ZNF827: variants seen among roughly 807,000 people sequenced by gnomAD.
The protein encoded by ZNF827 is zinc finger protein 827.
ZNF827 carries 13 observed loss-of-function variants against 102.4 expected under a neutral mutation model. The observed-to-expected ratio is 0.13, with a 90% CI of 0.08 to 0.20. The LOEUF (loss-of-function observed/expected upper bound fraction) is 0.20. ZNF827 is among the 10% of genes least tolerant of loss of function. The pLI, the probability that ZNF827 is intolerant of heterozygous loss-of-function variation, is 1.00. For synonymous variants in ZNF827, 523 were observed against 536.2 expected, an observed-to-expected ratio of 0.98 and a Z score of 0.34; for missense variants, 1,103 against 1,344.4, an observed-to-expected ratio of 0.82 and a Z score of 2.81.
At chr4:145,909,436 C>T (rs1251475070) in intron 1 of ZNF827, among the ~76,000 whole-genome samples, 1 of 152,224 alleles carries the variant, frequency 6.6e-6, no homozygotes, top group Non-Finnish European at 1.5e-5. Context: ...TAGTCTCTTC[C>T]TCTCAGGCCA....
chr4:145,766,791 C>A (rs1735370626), intron 11 of ZNF827, among the ~76,000 whole-genome samples: 1 of 152,120 alleles, frequency 6.6e-6, no homozygotes, highest in African/African-American at 2.4e-5. Flanking sequence ...CTGTTTCCAC[C>A]AGTCAGATTG....
At chr4:145,895,944 C>A (rs555142923) in intron 2 of ZNF827, among the ~76,000 whole-genome samples, 1 of 152,062 alleles carries the variant, frequency 6.6e-6, no homozygotes, top group African/African-American at 2.4e-5. Context: ...TAACTTTTCC[C>A]AAGTATATCA....
intron 4 of ZNF827, among the ~76,000 whole-genome samples, chr4:145,882,023 C>T (rs145514292): frequency 1.5e-4 from 23 of 152,338 alleles, no homozygotes; most frequent in Non-Finnish European, 2.5e-4. Context: ...TTTCTGGGCC[C>T]TGGCATTTTG....
intron 5 of ZNF827, among the ~76,000 whole-genome samples, chr4:145,862,880 A>G (rs1747865385): frequency 1.3e-5 from 2 of 152,214 alleles, no homozygotes; most frequent in African/African-American, 4.8e-5. Context: ...GCAACAAAAG[A>G]AAAACAGAGA....
chr4:145,895,667 AT>A (rs1750921839), intron 2 of ZNF827, among the ~76,000 whole-genome samples: 1 of 152,132 alleles, frequency 6.6e-6, no homozygotes, highest in Non-Finnish European at 1.5e-5. Flanking sequence ...TAACATCTAC[AT>A]TTTTATTTAT....
At chr4:145,776,425 C>T (rs1408954217) in intron 9 of ZNF827, among the ~76,000 whole-genome samples, 3 of 151,218 alleles carry the variant, frequency 2.0e-5, no homozygotes, top group Non-Finnish European at 2.9e-5. Flanking sequence ...CACATCACTG[C>T]ACTCCAGCCT....
rs1579060647 is a variant in ZNF827 at position 145,761,180 on chromosome 4, C to T, written c.*436G>A. 3 of 1,289,738 alleles carry T rather than the reference C, an allele frequency of 2.3e-6. No individual in the cohort carries two copies. The highest frequency in any genetic ancestry group is 3.0e-6 in the Non-Finnish European group (3 of 988,892). The allele number at this position is 1,289,738 out of a possible 1,614,324, so 79.9% of individuals were successfully genotyped here. ...GGACACAGGCCCTTCTTGTCCTCCTCGGGGCAGTCCCCACTCTGGTGCTTC... is the reference window on the plus strand; with the variant it reads ...GGACACAGGCCCTTCTTGTCCTCCTTGGGGCAGTCCCCACTCTGGTGCTTC... On this transcript the variant is annotated 3_prime_UTR_variant, in exon 15 of 15. Transcript: ENST00000508784. The surrounding 1 kb of genome is among the most constrained non-coding windows in gnomAD (Gnocchi z 6.8).
At chr4:145,873,234 C>T (rs577797023) in intron 4 of ZNF827, among the ~76,000 whole-genome samples, 2 of 152,220 alleles carry the variant, frequency 1.3e-5, no homozygotes, top group African/African-American at 4.8e-5. Flanking sequence ...CACGCCTGGC[C>T]CAACAATTTT....
chr4:145,812,050 G>A (rs143939795), intron 8 of ZNF827, among the ~76,000 whole-genome samples: 3 of 151,894 alleles, frequency 2.0e-5, no homozygotes, highest in East Asian at 3.9e-4. Context: ...AGGTAGTTGG[G>A]ACTACAGGTG....
chr4:145,765,646 C>G lies in ZNF827; in HGVS notation c.2953G>C (p.Asp985His). 6.2e-7 allele frequency: 1 copy of G among 1,614,142 alleles called. No homozygotes were observed. Among genetic ancestry groups the G allele is most frequent in the Non-Finnish European group, 8.5e-7 (1 of 1,180,008 alleles). ...CCGCCCTTGTTTTTCTGGGAGCCATCTGAATCATCTTTGCTGTTGGCTGAA... is the reference window on the plus strand; with the variant it reads ...CCGCCCTTGTTTTTCTGGGAGCCATGTGAATCATCTTTGCTGTTGGCTGAA... ...SDSANSKDDSDGSQKNKGGNN... is the reference protein window; with the variant it reads ...SDSANSKDDSHGSQKNKGGNN... The change falls in exon 12 of 15, where the codon GAT becomes CAT. Residue 985 changes from aspartate to histidine, a missense_variant. Asp to His is a moderately conservative substitution (Grantham distance 81, BLOSUM62 -1). This residue lies in a region of ZNF827 where 242 missense variants were observed against 361.9 expected (regional missense o/e 0.67). Transcript: ENST00000508784. This position sits in a 1 kb window ranked among gnomAD's most constrained non-coding sequence, Gnocchi z 4.7.
rs138491774 is a variant in ZNF827 at position 145,762,838 on chromosome 4, A to T, written c.*17+252T>A. 0.01 allele frequency among the ~76,000 whole-genome samples: 1,571 copies of T among 152,348 alleles called. 114 individuals are homozygous for T. The highest frequency in any genetic ancestry group is 0.096 in the Admixed American group (1,470 of 15,302). On this transcript the variant is annotated intron_variant, in intron 14 of 14. Transcript: ENST00000508784. The surrounding 1 kb of genome is among the most constrained non-coding windows in gnomAD (Gnocchi z 4.9). The stretch of plus-strand genomic sequence containing the variant: ...TGCTCTCTTTCCACAAAGAATGCAG[A>T]TGCAAAAGTGGCTGCCTCAGCTCTT...
chr4:145,822,540 G>A (rs1243253604), intron 8 of ZNF827, among the ~76,000 whole-genome samples: 1 of 152,200 alleles, frequency 6.6e-6, no homozygotes, highest in Non-Finnish European at 1.5e-5. Flanking sequence ...CCTGCTGTGA[G>A]TACTGCCCTG....
intron 5 of ZNF827, among the ~76,000 whole-genome samples, chr4:145,867,369 C>T (rs907949342): frequency 4.6e-5 from 7 of 152,210 alleles, no homozygotes; most frequent in Non-Finnish European, 8.8e-5. Context: ...AAACAATATA[C>T]CTACAGAGTT....
At chr4:145,916,456 G>A (rs1385625992) in intron 1 of ZNF827, among the ~76,000 whole-genome samples, 1 of 152,158 alleles carries the variant, frequency 6.6e-6, no homozygotes, top group African/African-American at 2.4e-5. Flanking sequence ...AAGGGCACCC[G>A]AGGACTCTCT....
Position 145,898,395 on chromosome 4 carries a change from T to C in ZNF827, c.1093+3771A>G, listed in dbSNP as rs199617746. On this transcript the variant is annotated intron_variant, in intron 2 of 14. Coordinates refer to ENST00000508784, the MANE Select transcript of ZNF827 (RefSeq NM_001306215.2). ...TTTTATTCAGTACAATAAGATGTTT[T>C]GGAGACCCTCTCTCTGAAACTCTCC... Among the ~76,000 whole-genome samples the C allele has an allele frequency of 1.4e-4, 22 of 152,336 alleles. 1 individual carries two copies. In the East Asian group the frequency reaches 3.3e-3, roughly 23 times the overall value.
chr4:145,837,411 C>T (rs1041599715), intron 7 of ZNF827, among the ~76,000 whole-genome samples: 2 of 151,954 alleles, frequency 1.3e-5, no homozygotes, highest in African/African-American at 4.8e-5. Context: ...CCTGTATAGA[C>T]GCTCCTTTTT....
rs776418019 is a variant in ZNF827 at position 145,870,293 on chromosome 4, G to A, written c.1933C>T (p.Arg645Trp). The change falls in exon 5 of 15, where the codon CGG becomes TGG. Residue 645 changes from arginine to tryptophan, a missense_variant. Physicochemically the swap from Arg to Trp is moderately radical, Grantham distance 101. Around this residue, in one of 5 missense-constraint regions of ZNF827, gnomAD observed 243 missense variants for 251.6 expected, o/e 0.97. Coordinates refer to ENST00000508784, the MANE Select transcript of ZNF827 (RefSeq NM_001306215.2). ...PQEGKGSVLRRDVSVKAASEL... is the reference protein window; with the variant it reads ...PQEGKGSVLRWDVSVKAASEL... ...GAGGCTGCTTTGACTGACACATCCC[G>A]CCTTAGCACACTTCCCTTCCCTTCC... The A allele has an allele frequency of 2.5e-5, 40 of 1,614,054 alleles. No homozygotes were observed. The Middle Eastern group carries it at 1.3e-3, about 53-fold the overall frequency.
rs574773074 is a variant in ZNF827, at chr4:145,765,810, C to T, written c.2861-72G>A. The T allele has an allele frequency of 6.6e-5, 97 of 1,474,712 alleles. No individual in the cohort carries two copies. The highest frequency in any genetic ancestry group is 4.5e-4 in the African/African-American group (32 of 71,726). 91.4% of individuals were successfully genotyped at this position (1,474,712 alleles called of 1,614,324 possible). A position where few individuals can be genotyped will look rare whatever the true frequency, so the allele number is the denominator to read the frequency against. The stretch of plus-strand genomic sequence containing the variant: ...TCAGAATTATAGCAACTGAGGGTGA[C>T]GAGTTGAGTCTCATGGATGCATCAT... On this transcript the variant is annotated intron_variant, in intron 11 of 14. Transcript: ENST00000508784. This position sits in a 1 kb window ranked among gnomAD's most constrained non-coding sequence, Gnocchi z 4.7.
At chr4:145,938,257 C>T in intron 1 of ZNF827, 108 bp downstream of exon 1, 1 of 1,383,372 alleles carries the variant, frequency 7.2e-7, no homozygotes, top group Non-Finnish European at 1.0e-6. Flanking sequence ...AGTTTCACCT[C>T]TGTAACCCTA....
Sources: allele counts gnomAD v4.1 joint callset (sites outside exome capture counted in the v4.1 genomes callset), GRCh38; gene constraint gnomAD v4.1.1; regional missense constraint gnomAD v4.1.1; non-coding constraint Gnocchi (gnomAD v3.1); transcripts MANE v1.5; gene names NCBI Gene and HGNC (gene_info 2026-07-23, HGNC 2026-07-21).